Variants in GPC4 observed in about 807,000 individuals in gnomAD.
GPC4 encodes glypican-4.
A neutral mutation model predicts 35.0 loss-of-function variants in GPC4; 10 were observed. The observed-to-expected ratio is 0.29, with a 90% CI of 0.18 to 0.48. The LOEUF is 0.48. Ranked by LOEUF, GPC4 falls within the 20% of genes least tolerant of loss-of-function variation. The probability of loss-of-function intolerance (pLI) is 0.99; values close to 1 mark genes in which losing one functional copy is unlikely to be tolerated. For synonymous variants in GPC4, 167 were observed against 170.2 expected (o/e 0.98, Z 0.15); for missense variants, 322 against 451.3 (o/e 0.71, Z 2.60).
intron 1 of GPC4, among the ~76,000 whole-genome samples, chrX:133,385,819 A>G (rs2068686705): frequency 9.0e-6 from 1 of 110,779 alleles, no homozygotes; most frequent in Non-Finnish European, 1.9e-5. Context: ...CTAACGTTTG[A>G]TTTGTGGGTG....
chrX:133,321,940 G>A (rs954499854), intron 3 of GPC4, among the ~76,000 whole-genome samples: 1 of 111,942 alleles, frequency 8.9e-6, no homozygotes, highest in African/African-American at 3.2e-5. Context: ...GGAGATGAGA[G>A]AGAGAACAAA....
chrX:133,401,126 T>A (rs918524191), intron 1 of GPC4, among the ~76,000 whole-genome samples: 7 of 110,251 alleles, frequency 6.3e-5, no homozygotes, highest in Admixed American at 1.9e-4. Flanking sequence ...ATGGCTAGAG[T>A]GGGATGGGAC....
chrX:133,404,828 G>A (rs1487566912), intron 1 of GPC4, among the ~76,000 whole-genome samples: 2 of 84,086 alleles, frequency 2.4e-5, no homozygotes, highest in Admixed American at 1.4e-4. Flanking sequence ...TTCCAGCCTG[G>A]ACAAAAGAGT....
intron 1 of GPC4, among the ~76,000 whole-genome samples, chrX:133,397,696 T>G (rs764660920): frequency 8.9e-6 from 1 of 112,152 alleles, no homozygotes; most frequent in African/African-American, 3.2e-5. Flanking sequence ...TCCTAGCATA[T>G]GGATCATTAG....
At chrX:133,392,425 C>G (rs2068723763) in intron 1 of GPC4, among the ~76,000 whole-genome samples, 1 of 105,977 alleles carries the variant, frequency 9.4e-6, no homozygotes. Flanking sequence ...GGCGTGGACC[C>G]TGTGGCTTAT....
At chrX:133,368,643 CATTATT>C (rs758881965) in intron 1 of GPC4, among the ~76,000 whole-genome samples, 1 of 109,869 alleles carries the variant, frequency 9.1e-6, no homozygotes, top group African/African-American at 3.3e-5. Context: ...CATTGAGTAA[CATTATT>C]ATTATTATTA....
chrX:133,385,222 T>C (rs761213913), intron 1 of GPC4, among the ~76,000 whole-genome samples: 2 of 111,625 alleles, frequency 1.8e-5, no homozygotes, highest in Admixed American at 9.6e-5. Context: ...TTGCTTGGGA[T>C]TGCAAACAGG....
chrX:133,303,903 GAGGA>G (rs59442838), intron 7 of GPC4, among the ~76,000 whole-genome samples: 2,075 of 75,387 alleles, frequency 0.028, 33 homozygotes, highest in African/African-American at 0.041. Context: ...TACTCTGTTG[GAGGA>G]AGGAAGGAAG....
intron 1 of GPC4, among the ~76,000 whole-genome samples, chrX:133,413,569 AGCACG>A (rs1189662346): frequency 9.5e-6 from 1 of 105,238 alleles, no homozygotes; most frequent in Non-Finnish European, 2.0e-5. Context: ...CCCGGAGACC[AGCACG>A]GCAAGGCAAA....
At chrX:133,368,507 T>C (rs2068599352) in intron 1 of GPC4, among the ~76,000 whole-genome samples, 1 of 111,875 alleles carries the variant, frequency 8.9e-6, no homozygotes, top group African/African-American at 3.3e-5. Flanking sequence ...TTCTATGTGT[T>C]TTGTGTTCTC....
At chrX:133,334,134 C>G (rs2266804) in intron 2 of GPC4, among the ~76,000 whole-genome samples, 1 of 110,984 alleles carries the variant, frequency 9.0e-6, no homozygotes. Flanking sequence ...ATGCCTTTCA[C>G]GGGCATATAA....
chrX:133,326,502 T>G (rs1266850871), intron 2 of GPC4, among the ~76,000 whole-genome samples: 2 of 111,697 alleles, frequency 1.8e-5, no homozygotes, highest in African/African-American at 6.5e-5. Flanking sequence ...GCCAACTGAC[T>G]TGTCCACAGG....
intron 1 of GPC4, among the ~76,000 whole-genome samples, chrX:133,341,700 A>G (rs1459997162): frequency 9.0e-6 from 1 of 111,130 alleles, no homozygotes; most frequent in Non-Finnish European, 1.9e-5. Context: ...ACACATGCGT[A>G]CACACACACA....
At chrX:133,336,795 C>A (rs1375188084) in intron 2 of GPC4, among the ~76,000 whole-genome samples, 1 of 109,904 alleles carries the variant, frequency 9.1e-6, no homozygotes, top group Non-Finnish European at 1.9e-5. Context: ...ATTGTCTATG[C>A]CATATTTTAT....
At chrX:133,390,825 A>C (rs961097272) in intron 1 of GPC4, among the ~76,000 whole-genome samples, 1 of 111,498 alleles carries the variant, frequency 9.0e-6, no homozygotes, top group African/African-American at 3.3e-5. Flanking sequence ...ACCGGGAACA[A>C]GACCTTGATG....
Position 133,302,627 on chromosome X carries a change from T to C in GPC4, c.*240A>G. 2 of 405,050 alleles carry C rather than the reference T, an allele frequency of 4.9e-6. No individual in the cohort carries two copies. The highest frequency in any genetic ancestry group is 4.4e-5 in the Admixed American group (1 of 22,529). 33.4% of individuals were successfully genotyped at this position (405,050 alleles called of 1,213,427 possible). A position where few individuals can be genotyped will look rare whatever the true frequency, so the allele number is the denominator to read the frequency against. On this transcript the variant is annotated 3_prime_UTR_variant, in exon 9 of 9. Coordinates refer to ENST00000370828, the MANE Select transcript of GPC4 (RefSeq NM_001448.3). ...GCACAACTAACTATAGTTCTGTACC[T>C]ACACTGTTAGCCACGTTTAACATGG... is the stretch of plus-strand genomic sequence containing the variant.
intron 1 of GPC4, among the ~76,000 whole-genome samples, chrX:133,346,549 T>A (rs1264278833): frequency 9.0e-6 from 1 of 110,937 alleles, no homozygotes; most frequent in Non-Finnish European, 1.9e-5. Flanking sequence ...TAATGTGATA[T>A]CCTGGATGGG....
At chrX:133,381,278 T>TTGAAAATG (rs1321615734) in intron 1 of GPC4, among the ~76,000 whole-genome samples, 3 of 112,409 alleles carry the variant, frequency 2.7e-5, no homozygotes, top group African/African-American at 9.7e-5. Context: ...CACATTTATT[T>TTGAAAATG]TGAAAATGTG....
At chrX:133,388,486 C>T (rs201217857) in intron 1 of GPC4, among the ~76,000 whole-genome samples, 17 of 111,443 alleles carry the variant, frequency 1.5e-4, no homozygotes, top group Non-Finnish European at 3.0e-4. Flanking sequence ...TAATGCCTGA[C>T]GGCTTCAAGG....
Sources: allele counts gnomAD v4.1 joint callset (sites outside exome capture counted in the v4.1 genomes callset), GRCh38; gene constraint gnomAD v4.1.1; transcripts MANE v1.5; gene names NCBI Gene and HGNC (gene_info 2026-07-23, HGNC 2026-07-21).